The following QKI variants were observed in gnomAD, a reference collection of about 807,000 sequenced individuals.
QKI encodes QKI, KH domain containing RNA binding.
Under a neutral mutation model 39.0 loss-of-function variants are expected in QKI, and 10 were observed. The ratio of observed to expected loss-of-function variants is 0.26; its 90% CI spans 0.16 to 0.43. The LOEUF (loss-of-function observed/expected upper bound fraction) is 0.43, where lower values mean the gene tolerates loss of function less well. QKI is among the 20% of genes least tolerant of loss of function. The probability of loss-of-function intolerance (pLI) is 1.00; values close to 1 mark genes in which losing one functional copy is unlikely to be tolerated. For missense variants in QKI, 218 were observed against 428.0 expected (o/e 0.51, Z 4.33); for synonymous variants, 204 against 155.4 (o/e 1.31, Z -2.33).
At chr6:163,527,447 G>A (rs1297595050) in intron 3 of QKI, among the ~76,000 whole-genome samples, 1 of 152,144 alleles carries the variant, frequency 6.6e-6, no homozygotes, top group Non-Finnish European at 1.5e-5. Context: ...GTTTGGAGGG[G>A]TTTTGGCGTA....
intron 3 of QKI, among the ~76,000 whole-genome samples, chr6:163,516,773 C>T (rs978506234): frequency 1.8e-4 from 27 of 152,002 alleles, no homozygotes; most frequent in Admixed American, 5.9e-4. Flanking sequence ...ATACTACTTG[C>T]GTTCTTACTG....
rs1583247497 is a variant in QKI at position 163,576,774 on chromosome 6, C to T, written c.*6064C>T. ...TATCAATATGAGAATAAAGAACGCA[C>T]ACTTTCAATTTTATTGAGGCTTTCA... On this transcript the variant is annotated 3_prime_UTR_variant, in exon 8 of 8. Transcript: ENST00000361752. 6.6e-6 allele frequency: 1 copy of T among 152,116 alleles called. No individual in the cohort carries two copies. Among genetic ancestry groups the T allele is most frequent in the Non-Finnish European group, 1.5e-5 (1 of 68,022 alleles). 9.4% of individuals were successfully genotyped at this position (152,116 alleles called of 1,614,324 possible). A position where few individuals can be genotyped will look rare whatever the true frequency, so the allele number is the denominator to read the frequency against.
rs1016526231 is a variant in QKI at position 163,572,441 on chromosome 6, A to G, written c.*1731A>G. ...TGTAGTGTATCCTTTTACTGTTTCA[A>G]TAACCTCTGCCTCCCCCACCCCTTA... is the stretch of plus-strand genomic sequence containing the variant. On this transcript the variant is annotated 3_prime_UTR_variant, in exon 8 of 8. Transcript: ENST00000361752. The G allele has an allele frequency of 6.6e-6, 1 of 152,210 alleles. No individual in the cohort carries two copies. Among genetic ancestry groups the G allele is most frequent in the Non-Finnish European group, 1.5e-5 (1 of 68,036 alleles). The allele number at this position is 152,210 out of a possible 1,614,324, so 9.4% of individuals were successfully genotyped here.
chr6:163,439,071 G>A (rs1789532470), intron 1 of QKI, among the ~76,000 whole-genome samples: 1 of 152,042 alleles, frequency 6.6e-6, no homozygotes, highest in African/African-American at 2.4e-5. Context: ...GGCCTGCACA[G>A]GGTCCAGATC....
At chr6:163,457,975 T>C (rs1791052480) in intron 2 of QKI, among the ~76,000 whole-genome samples, 1 of 152,082 alleles carries the variant, frequency 6.6e-6, no homozygotes, top group South Asian at 2.1e-4. Flanking sequence ...AGGAACAGAA[T>C]GATGGGAGGA....
chr6:163,516,727 GTTTA>G (rs905105306), intron 3 of QKI, among the ~76,000 whole-genome samples: 8 of 152,166 alleles, frequency 5.3e-5, no homozygotes, highest in African/African-American at 1.9e-4. Flanking sequence ...GGATTAATCT[GTTTA>G]TTAAATAAAA....
Position 163,578,151 on chromosome 6 carries a change from T to C in QKI, c.*7441T>C, listed in dbSNP as rs904156849. 3 of 151,922 alleles carry C rather than the reference T, an allele frequency of 2.0e-5. No homozygotes were observed. The highest frequency in any genetic ancestry group is 4.4e-5 in the Non-Finnish European group (3 of 68,040). The allele number at this position is 151,922 out of a possible 1,614,324, so 9.4% of individuals were successfully genotyped here. ...CAATTTTAAGGAGTGTCTCCTAAAA[T>C]TGGGATGAAAATCTACTGTAGTCTG... On this transcript the variant is annotated 3_prime_UTR_variant, in exon 8 of 8. Coordinates refer to ENST00000361752, the MANE Select transcript of QKI (RefSeq NM_006775.3).
intron 2 of QKI, among the ~76,000 whole-genome samples, chr6:163,464,984 C>T (rs1031423828): frequency 4.6e-5 from 7 of 152,138 alleles, no homozygotes; most frequent in Non-Finnish European, 7.3e-5. Flanking sequence ...GAGCGTACAC[C>T]ATGATCAAGT....
chr6:163,497,203 C>G (rs1354618585), intron 3 of QKI, among the ~76,000 whole-genome samples: 4 of 151,788 alleles, frequency 2.6e-5, no homozygotes, highest in Non-Finnish European at 5.9e-5. Context: ...AGGCCTTTAC[C>G]TTGTTCAGTA....
intron 2 of QKI, among the ~76,000 whole-genome samples, chr6:163,461,506 C>G (rs950718601): frequency 1.3e-5 from 2 of 152,066 alleles, no homozygotes; most frequent in African/African-American, 4.8e-5. Flanking sequence ...AAACGTTTGT[C>G]TATGGTTTAT....
At chr6:163,456,695 G>C (rs1330364510) in intron 2 of QKI, among the ~76,000 whole-genome samples, 1 of 151,922 alleles carries the variant, frequency 6.6e-6, no homozygotes, top group Admixed American at 6.6e-5. Context: ...AGGTATTTTT[G>C]GTTGCAAATA....
At chr6:163,510,838 A>G (rs150270167) in intron 3 of QKI, among the ~76,000 whole-genome samples, 8 of 146,776 alleles carry the variant, frequency 5.5e-5, no homozygotes, top group African/African-American at 1.5e-4. Flanking sequence ...TAGTTCCACA[A>G]TCAGATTGAG....
intron 1 of QKI, among the ~76,000 whole-genome samples, chr6:163,433,044 T>C (rs911329096): frequency 6.6e-5 from 10 of 152,206 alleles, no homozygotes; most frequent in African/African-American, 2.4e-4. Flanking sequence ...ATCTTAGATT[T>C]GTTTTAGGTT....
At chr6:163,424,756 C>T (rs931148009) in intron 1 of QKI, among the ~76,000 whole-genome samples, 33 of 151,798 alleles carry the variant, frequency 2.2e-4, no homozygotes, top group African/African-American at 5.6e-4. Flanking sequence ...CTCAGCCTCC[C>T]GAGTAGCTGG....
At chr6:163,430,584 G>A (rs1392758372) in intron 1 of QKI, among the ~76,000 whole-genome samples, 2 of 152,136 alleles carry the variant, frequency 1.3e-5, no homozygotes, top group African/African-American at 4.8e-5. Flanking sequence ...CTGGATTAGC[G>A]AGTGTGTGAA....
At chr6:163,475,584 A>T (rs1033148202) in intron 2 of QKI, among the ~76,000 whole-genome samples, 19 of 152,116 alleles carry the variant, frequency 1.2e-4, no homozygotes, top group African/African-American at 4.6e-4. Flanking sequence ...GTGTAGATAA[A>T]TATTTATGAC....
rs1562472134 is a variant in QKI, at chr6:163,478,782, T to C, written c.288T>C (p.Phe96=). 1.3e-6 allele frequency: 2 copies of C among 1,588,112 alleles called. No homozygotes were observed. Among genetic ancestry groups the C allele is most frequent in the Non-Finnish European group, 1.7e-6 (2 of 1,168,062 alleles). The stretch of plus-strand genomic sequence containing the variant: ...TGATCCTTTTTTTTTTTTCTCAGTT[T>C]AATTTTGTTGGGAGAATCCTTGGAC... ...LYVPVKEYPD[F]NFVGRILGPR... is the part of the protein sequence containing the mutation. Residue 96 remains phenylalanine, a splice_region_variant and synonymous_variant, in exon 3 of 8, where the codon TTT becomes TTC. Coordinates refer to ENST00000361752, the MANE Select transcript of QKI (RefSeq NM_006775.3).
At chr6:163,427,386 AC>A (rs1339944056) in intron 1 of QKI, among the ~76,000 whole-genome samples, 1 of 151,994 alleles carries the variant, frequency 6.6e-6, no homozygotes, top group Non-Finnish European at 1.5e-5. Context: ...TAGCAGTAAA[AC>A]TATCTTTAAA....
At chr6:163,456,921 A>G (rs376463221) in intron 2 of QKI, among the ~76,000 whole-genome samples, 1 of 152,174 alleles carries the variant, frequency 6.6e-6, no homozygotes, top group South Asian at 2.1e-4. Context: ...TATCTTTAAA[A>G]TTCAGATTCT....
Sources: allele counts gnomAD v4.1 joint callset (sites outside exome capture counted in the v4.1 genomes callset), GRCh38; gene constraint gnomAD v4.1.1; transcripts MANE v1.5; gene names NCBI Gene and HGNC (gene_info 2026-07-23, HGNC 2026-07-21).